The following USP14 variants were observed in gnomAD, a reference collection of about 807,000 sequenced individuals.
The protein encoded by USP14 is ubiquitin specific peptidase 14.
Under a neutral mutation model 76.5 loss-of-function variants are expected in USP14, and 38 were observed. The observed-to-expected ratio is 0.50, with a 90% CI of 0.38 to 0.65. USP14 has a LOEUF of 0.65. Among genes scored for constraint, USP14 ranks in the 30% least tolerant of loss-of-function variants. USP14 has a pLI of 0.00. For missense variants in USP14, 467 were observed against 586.5 expected, an observed-to-expected ratio of 0.80 and a Z score of 2.10; for synonymous variants, 192 against 191.7, an observed-to-expected ratio of 1.00 and a Z score of -0.01.
At position 214,244 on chromosome 18, in the gene USP14, T is replaced by C. The variant is rs905050403; in HGVS notation, c.*2960T>C. ...CGAATAAGTGAGAACAGAGCAGTCA[T>C]ATGGTTTCAGAAAGTGTTATTCTGG... On this transcript the variant is annotated 3_prime_UTR_variant, in exon 16 of 16. Transcript: ENST00000261601. 5.3e-6 allele frequency: 1 copy of C among 189,198 alleles called. No homozygotes were observed. The highest frequency in any genetic ancestry group is 1.1e-5 in the Non-Finnish European group (1 of 91,202). 11.7% of individuals were successfully genotyped at this position (189,198 alleles called of 1,614,324 possible). A position where few individuals can be genotyped will look rare whatever the true frequency, so the allele number is the denominator to read the frequency against.
At chr18:178,842 T>C (rs1336760091) in intron 3 of USP14, 91 bp from the exon 4 acceptor site, 1 of 889,554 alleles carries the variant, frequency 1.1e-6, no homozygotes, top group Non-Finnish European at 1.7e-6. Flanking sequence ...AATTATGTTA[T>C]ATGTGTTCTT....
intron 1 of USP14, among the ~76,000 whole-genome samples, chr18:159,903 C>G (rs1018638871): frequency 6.6e-6 from 1 of 152,304 alleles, no homozygotes; most frequent in East Asian, 1.9e-4. Context: ...AGGTCCCTTC[C>G]TTTGACCTCT....
intron 4 of USP14, 24 bp downstream of exon 4, chr18:179,061 G>A (rs375780307): frequency 1.7e-5 from 26 of 1,526,490 alleles, no homozygotes; most frequent in Non-Finnish European, 2.3e-5. Context: ...GATTTTATGT[G>A]TTTGATCACT....
At chr18:187,143 C>G (rs1909953963) in intron 5 of USP14, among the ~76,000 whole-genome samples, 1 of 152,118 alleles carries the variant, frequency 6.6e-6, no homozygotes, top group South Asian at 2.1e-4. Context: ...TTATTGGTGA[C>G]TTACATTTCT....
At chr18:193,333 A>G (rs184480970) in intron 6 of USP14, among the ~76,000 whole-genome samples, 31 of 152,302 alleles carry the variant, frequency 2.0e-4, no homozygotes, top group African/African-American at 7.5e-4. Flanking sequence ...ATAAGAGAAT[A>G]TAACCCCCAC....
intron 5 of USP14, among the ~76,000 whole-genome samples, chr18:182,143 T>A (rs1909804193): frequency 6.6e-6 from 1 of 152,302 alleles, no homozygotes; most frequent in Non-Finnish European, 1.5e-5. Flanking sequence ...TATACCATCG[T>A]ATGAAAGGAA....
rs143756666 is a variant in USP14 at position 198,806 on chromosome 18, G to A, written c.762-396G>A. Among the ~76,000 whole-genome samples the A allele has an allele frequency of 3.7e-4, 56 of 151,894 alleles. No individual in the cohort carries two copies. In the East Asian group the frequency reaches 9.9e-3, roughly 27 times the overall value. On this transcript the variant is annotated intron_variant, in intron 9 of 15. Coordinates refer to ENST00000261601, the MANE Select transcript of USP14 (RefSeq NM_005151.4). ...AAAGAATTTTTTAATTTTATAAAAG[G>A]GTGTGTATCAACTATACATGAGATT...
chr18:206,513 A>G (rs1015428259), intron 13 of USP14, among the ~76,000 whole-genome samples: 16 of 152,080 alleles, frequency 1.1e-4, no homozygotes, highest in Non-Finnish European at 2.2e-4. Flanking sequence ...CTCTTAACCT[A>G]GGGTCTTTTG....
chr18:184,115 ATTT>A (rs1909861653), intron 5 of USP14, among the ~76,000 whole-genome samples: 1 of 151,936 alleles, frequency 6.6e-6, no homozygotes, highest in Admixed American at 6.6e-5. Context: ...CAAAAGAAGT[ATTT>A]TTTGTTTTTC....
intron 13 of USP14, among the ~76,000 whole-genome samples, chr18:209,353 T>TA (rs2013670805): frequency 6.6e-6 from 1 of 152,214 alleles, no homozygotes; most frequent in Non-Finnish European, 1.5e-5. Flanking sequence ...TCATTACCAT[T>TA]ATAGTTTTAA....
intron 2 of USP14, among the ~76,000 whole-genome samples, chr18:166,478 G>T (rs993122986): frequency 6.6e-6 from 1 of 152,010 alleles, no homozygotes; most frequent in Non-Finnish European, 1.5e-5. Context: ...AATTACAGGT[G>T]TGCACCACCA....
intron 3 of USP14, among the ~76,000 whole-genome samples, chr18:171,018 AAAAAAAAATAT>A (rs1237203667): frequency 3.5e-4 from 33 of 93,482 alleles, no homozygotes; most frequent in African/African-American, 1.3e-3. Flanking sequence ...TTAAAAAAAA[AAAAAAAAATAT>A]ATATATATAT....
rs775365484 is a variant in USP14, at chr18:211,121, CCT to C, written c.1334-11_1334-10del. On this transcript the variant is annotated splice_polypyrimidine_tract_variant and intron_variant, in intron 15 of 15. Coordinates refer to ENST00000261601, the MANE Select transcript of USP14 (RefSeq NM_005151.4). Reference sequence around the variant, plus strand: ...CATAACATTAATTCATCTTCTTGTCCCTGTTATTTAGATGAATGGATTAAGTT... The same window carrying C: ...CATAACATTAATTCATCTTCTTGTCCGTTATTTAGATGAATGGATTAAGTT... 10 of 1,604,452 alleles carry C rather than the reference CCT, an allele frequency of 6.2e-6. No homozygotes were observed. In the East Asian group the frequency reaches 1.3e-4, roughly 22 times the overall value.
rs533553795 is a variant in USP14, at chr18:195,034, GT to G, written c.464-1591del. Among the ~76,000 whole-genome samples, 404 of 145,234 alleles carry G rather than the reference GT, an allele frequency of 2.8e-3. 2 individuals are homozygous for G. Among genetic ancestry groups the G allele is most frequent in the South Asian group, 7.9e-3 (36 of 4,568 alleles). On this transcript the variant is annotated intron_variant, in intron 6 of 15. Coordinates refer to ENST00000261601, the MANE Select transcript of USP14 (RefSeq NM_005151.4). ...TGTCCTAGTATTGTCCATTAAAAAA[GT>G]TTTTTTTTTTTCCTTCTTCAGGATT...
intron 6 of USP14, among the ~76,000 whole-genome samples, chr18:195,638 T>C (rs1442853815): frequency 6.6e-6 from 1 of 152,198 alleles, no homozygotes; most frequent in Non-Finnish European, 1.5e-5. Context: ...AAATTCTTAG[T>C]AGTTTTGGTT....
chr18:186,693 A>C (rs1909939538), intron 5 of USP14, among the ~76,000 whole-genome samples: 1 of 152,074 alleles, frequency 6.6e-6, no homozygotes. Flanking sequence ...CAGAGGCTGC[A>C]GTGAGCCGAG....
intron 12 of USP14, among the ~76,000 whole-genome samples, chr18:204,198 A>G (rs933396484): frequency 3.3e-5 from 5 of 152,144 alleles, no homozygotes; most frequent in African/African-American, 1.2e-4. Flanking sequence ...TTCAAATAAA[A>G]AAAAAAAACC....
chr18:196,836 C>G, intron 7 of USP14, 69 bp downstream of exon 7: 4 of 1,563,728 alleles, frequency 2.6e-6, no homozygotes, highest in Non-Finnish European at 3.5e-6. Context: ...ACCGTACTTA[C>G]TGGAACATAG....
intron 5 of USP14, among the ~76,000 whole-genome samples, chr18:188,581 G>A (rs775812353): frequency 1.3e-5 from 2 of 150,204 alleles, no homozygotes; most frequent in African/African-American, 2.5e-5. Context: ...TCTTTTCCTG[G>A]AACTTTTATT....
Sources: gnomAD v4.1 joint callset for allele counts (sites outside exome capture counted in the v4.1 genomes callset) on GRCh38, gnomAD v4.1.1 for gene constraint, MANE v1.5 for transcripts, NCBI Gene and HGNC (gene_info 2026-07-23, HGNC 2026-07-21) for gene names.